DSCAM: variants seen among roughly 807,000 people sequenced by gnomAD.
DSCAM encodes DS cell adhesion molecule, also known as cell adhesion molecule DSCAM.
A neutral mutation model predicts 217.7 loss-of-function variants in DSCAM; 47 were observed. That is an observed-to-expected ratio of 0.22 (90% CI 0.17 to 0.28). DSCAM has a LOEUF of 0.28. DSCAM is among the 10% of genes least tolerant of loss of function. DSCAM has a pLI of 1.00. For missense variants in DSCAM, 2,080 were observed against 2,618.3 expected, an observed-to-expected ratio of 0.79 and a Z score of 4.49; for synonymous variants, 1,056 against 1,015.3, an observed-to-expected ratio of 1.04 and a Z score of -0.76.
intron 16 of DSCAM, among the ~76,000 whole-genome samples, chr21:40,149,099 C>T (rs1186483348): frequency 1.3e-5 from 2 of 152,058 alleles, no homozygotes; most frequent in African/African-American, 4.8e-5. Context: ...ACAACTATCA[C>T]CACAACCATC....
chr21:40,062,241 C>A (rs943094716), intron 28 of DSCAM, among the ~76,000 whole-genome samples: 1 of 152,226 alleles, frequency 6.6e-6, no homozygotes, highest in African/African-American at 2.4e-5. Context: ...GCATTTCTGT[C>A]TTCCACAGTT....
chr21:40,778,949 G>A (rs186568824), intron 1 of DSCAM, among the ~76,000 whole-genome samples: 24 of 150,602 alleles, frequency 1.6e-4, no homozygotes, highest in Admixed American at 1.1e-3. Flanking sequence ...ACTTGAATTC[G>A]GGAGGCAGAG....
intron 3 of DSCAM, among the ~76,000 whole-genome samples, chr21:40,543,843 T>C (rs2076560418): frequency 6.6e-6 from 1 of 152,208 alleles, no homozygotes; most frequent in South Asian, 2.1e-4. Flanking sequence ...TTAAAAGTTT[T>C]ATTTCATATA....
chr21:40,095,673 A>C (rs2089667099), intron 20 of DSCAM, among the ~76,000 whole-genome samples: 1 of 152,182 alleles, frequency 6.6e-6, no homozygotes, highest in Non-Finnish European at 1.5e-5. Flanking sequence ...TGAATTGTTG[A>C]AGTTAAAAGT....
chr21:40,126,562 C>T (rs550303109), intron 19 of DSCAM, among the ~76,000 whole-genome samples: 1 of 152,290 alleles, frequency 6.6e-6, no homozygotes, highest in East Asian at 1.9e-4. Context: ...CCAATCTTTT[C>T]ACCCAAAACT....
chr21:40,428,648 G>A lies in DSCAM; in HGVS notation c.509-59403C>T, dbSNP rs186454814. 1.3e-5 allele frequency among the ~76,000 whole-genome samples: 2 copies of A among 152,040 alleles called. 1 individual carries two copies. The highest frequency in any genetic ancestry group is 4.2e-4 in the South Asian group (2 of 4,818). On this transcript the variant is annotated intron_variant, in intron 3 of 32. Transcript: ENST00000400454. ...AGTCTAAGACAAGCAAAAACTAAAC[G>A]AGAAGGCAGAACTATCTCCAAACAG...
At chr21:40,707,135 A>C (rs577360836) in intron 2 of DSCAM, among the ~76,000 whole-genome samples, 1 of 152,368 alleles carries the variant, frequency 6.6e-6, no homozygotes, top group South Asian at 2.1e-4. Flanking sequence ...CAAGGCAGAC[A>C]TAATGGATTA....
intron 3 of DSCAM, among the ~76,000 whole-genome samples, chr21:40,387,167 T>G (rs1224287160): frequency 6.6e-6 from 1 of 152,148 alleles, no homozygotes; most frequent in African/African-American, 2.4e-5. Flanking sequence ...CTGGGCTCTA[T>G]AAAGGAAGAG....
rs80250619 is a variant in DSCAM at position 40,327,193 on chromosome 21, G to A, written c.1783+10908C>T. 7.5e-3 allele frequency among the ~76,000 whole-genome samples: 1,143 copies of A among 152,090 alleles called. 3 individuals are homozygous for A. The highest frequency in any genetic ancestry group is 0.031 in the Middle Eastern group (9 of 292). On this transcript the variant is annotated intron_variant, in intron 8 of 32. Transcript: ENST00000400454. ...TTTTCCCTGTGGTGTGTGCACAAAC[G>A]TGTGTGTATTTGCAGATTAATTATG...
At chr21:40,342,648 A>ATATATATATATATATATATATATTTT (rs61637421) in intron 6 of DSCAM, among the ~76,000 whole-genome samples, 2 of 80,324 alleles carry the variant, frequency 2.5e-5, no homozygotes, top group Admixed American at 1.7e-4. Context: ...ATATATATAT[A>ATATATATATATATATATATATATTTT]TTTTTTTTTT....
chr21:40,559,814 A>C (rs1215451172), intron 3 of DSCAM, among the ~76,000 whole-genome samples: 1 of 111,780 alleles, frequency 8.9e-6, no homozygotes, highest in African/African-American at 3.6e-5. Flanking sequence ...TTTCTTTGAG[A>C]TGGAGTCTCG....
In DSCAM at chr21:40,382,685, C is replaced by G. The variant is rs528775999; in HGVS notation, c.509-13440G>C. ...CCCTCGTGTCACTCCCACTCCACTG[C>G]CTTTTGGTTTCAAATAGTCTGACCC... On this transcript the variant is annotated intron_variant, in intron 3 of 32. Coordinates refer to ENST00000400454, the MANE Select transcript of DSCAM (RefSeq NM_001389.5). Among the ~76,000 whole-genome samples, 19 of 152,298 alleles carry G rather than the reference C, an allele frequency of 1.2e-4. No individual in the cohort carries two copies. In the South Asian group the frequency reaches 3.1e-3, roughly 25 times the overall value.
At chr21:40,418,342 T>A (rs955941981) in intron 3 of DSCAM, among the ~76,000 whole-genome samples, 55 of 152,214 alleles carry the variant, frequency 3.6e-4, no homozygotes, top group African/African-American at 1.3e-3. Context: ...TTCTAAGAGT[T>A]TAAGTTTTGA....
intron 3 of DSCAM, among the ~76,000 whole-genome samples, chr21:40,670,294 C>G (rs533464740): frequency 6.6e-6 from 1 of 152,288 alleles, no homozygotes; most frequent in South Asian, 2.1e-4. Flanking sequence ...CTGGTAACCA[C>G]CGTTCTAACT....
At chr21:40,352,878 A>C (rs375154407) in intron 5 of DSCAM, among the ~76,000 whole-genome samples, 2 of 152,166 alleles carry the variant, frequency 1.3e-5, no homozygotes, top group Non-Finnish European at 2.9e-5. Flanking sequence ...TTCTGAACAC[A>C]TTCCTCAAGG....
At chr21:40,759,636 G>A (rs2091310790) in intron 1 of DSCAM, among the ~76,000 whole-genome samples, 1 of 152,106 alleles carries the variant, frequency 6.6e-6, no homozygotes, top group Admixed American at 6.5e-5. Context: ...CCCTCAGTTG[G>A]GTTGATTGCT....
At chr21:40,155,084 T>C (rs2090461970) in intron 16 of DSCAM, among the ~76,000 whole-genome samples, 1 of 152,240 alleles carries the variant, frequency 6.6e-6, no homozygotes, top group South Asian at 2.1e-4. Context: ...AACAAACACC[T>C]GTGACATAGC....
chr21:40,444,490 A>C (rs556557108), intron 3 of DSCAM, among the ~76,000 whole-genome samples: 1 of 152,350 alleles, frequency 6.6e-6, no homozygotes, highest in Admixed American at 6.5e-5. Flanking sequence ...CCGGTTGAGC[A>C]TAGCCAATAT....
intron 3 of DSCAM, among the ~76,000 whole-genome samples, chr21:40,404,673 A>T (rs1049137702): frequency 2.6e-5 from 4 of 152,186 alleles, no homozygotes; most frequent in African/African-American, 9.7e-5. Context: ...CATTTAACAC[A>T]TAGGGCTTGT....
Sources: allele counts gnomAD v4.1 joint callset (sites outside exome capture counted in the v4.1 genomes callset), GRCh38; gene constraint gnomAD v4.1.1; transcripts MANE v1.5; gene names NCBI Gene and HGNC (gene_info 2026-07-23, HGNC 2026-07-21).